Variants in CHD6 observed in about 807,000 individuals in gnomAD.
CHD6 encodes ATP-dependent chromatin remodeler CHD6.
Under a neutral mutation model 276.9 loss-of-function variants are expected in CHD6, and 50 were observed. That is an observed-to-expected ratio of 0.18 (90% confidence interval 0.14 to 0.23). The LOEUF is 0.23. CHD6 is among the 10% of genes least tolerant of loss of function. The pLI is 1.00. For missense variants in CHD6, 2,564 were observed against 3,365.8 expected, an observed-to-expected ratio of 0.76 and a Z score of 5.89; for synonymous variants, 1,173 against 1,229.3, an observed-to-expected ratio of 0.95 and a Z score of 0.96.
rs142172056 is a variant in CHD6, at chr20:41,434,201, G to A, written c.4068+3073C>T. On this transcript the variant is annotated intron_variant, in intron 27 of 36. Coordinates refer to ENST00000373233, the MANE Select transcript of CHD6 (RefSeq NM_032221.5). ...ACTCACTTCAAATACAATAAAGGCA[G>A]GTTAAAAGTAAAATAATAAAAAAGT... Among the ~76,000 whole-genome samples the A allele has an allele frequency of 3.3e-5, 5 of 152,082 alleles. No individual in the cohort carries two copies. The East Asian group carries it at 9.6e-4, about 29-fold the overall frequency.
At chr20:41,440,410 C>A (rs1024835339) in intron 25 of CHD6, among the ~76,000 whole-genome samples, 1 of 152,148 alleles carries the variant, frequency 6.6e-6, no homozygotes, top group African/African-American at 2.4e-5. Flanking sequence ...TGCTGCTTCC[C>A]GTCAGCTGGT....
chr20:41,518,752 A>C (rs1440300327), intron 3 of CHD6, among the ~76,000 whole-genome samples: 1 of 152,168 alleles, frequency 6.6e-6, no homozygotes, highest in Non-Finnish European at 1.5e-5. Context: ...GGAAGAAAAG[A>C]TTCCCTGAAA....
intron 2 of CHD6, among the ~76,000 whole-genome samples, chr20:41,545,893 G>A (rs759937175): frequency 6.6e-5 from 10 of 152,130 alleles, no homozygotes; most frequent in Non-Finnish European, 1.3e-4. Flanking sequence ...AGAAGACGCT[G>A]CCTCTTTTTA....
intron 1 of CHD6, among the ~76,000 whole-genome samples, chr20:41,599,916 A>C (rs1292142100): frequency 6.6e-6 from 1 of 152,136 alleles, no homozygotes; most frequent in Non-Finnish European, 1.5e-5. Context: ...GTGTGGTCCA[A>C]CTCCAGCCAA....
chr20:41,570,745 T>A (rs1387464619), intron 1 of CHD6, among the ~76,000 whole-genome samples: 5 of 152,208 alleles, frequency 3.3e-5, no homozygotes, highest in Non-Finnish European at 5.9e-5. Flanking sequence ...AAAAGTGGAA[T>A]TAGACTAATG....
intron 36 of CHD6, among the ~76,000 whole-genome samples, chr20:41,409,963 C>T (rs1299284544): frequency 6.6e-6 from 1 of 151,958 alleles, no homozygotes; most frequent in Non-Finnish European, 1.5e-5. Context: ...TAATGAGTAA[C>T]CACTAGGTAG....
chr20:41,594,181 G>C (rs909315749), intron 1 of CHD6, among the ~76,000 whole-genome samples: 1 of 152,082 alleles, frequency 6.6e-6, no homozygotes, highest in East Asian at 1.9e-4. Context: ...CAATAGTAAA[G>C]CACTGTTGGA....
Position 41,404,310 on chromosome 20 carries a change from A to C in CHD6, c.*283T>G. On this transcript the variant is annotated 3_prime_UTR_variant, in exon 37 of 37. Coordinates refer to ENST00000373233, the MANE Select transcript of CHD6 (RefSeq NM_032221.5). ...TGGGAAACTTGGAAGAGAAGGGGGT[A>C]GGGCGTGTCACCAAGTACTGTATTA... 8.9e-7 allele frequency: 1 copy of C among 1,128,682 alleles called. No individual in the cohort carries two copies. The allele number at this position is 1,128,682 out of a possible 1,614,324, so 69.9% of individuals were successfully genotyped here.
chr20:41,441,229 T>G (rs1349439890), intron 25 of CHD6, among the ~76,000 whole-genome samples: 2 of 152,160 alleles, frequency 1.3e-5, no homozygotes, highest in Non-Finnish European at 2.9e-5. Flanking sequence ...CTGTTTTTGC[T>G]CATCATTATA....
At chr20:41,607,961 G>C (rs988883779) in intron 1 of CHD6, among the ~76,000 whole-genome samples, 4 of 152,148 alleles carry the variant, frequency 2.6e-5, no homozygotes, top group African/African-American at 9.7e-5. Context: ...AGGTGTGAGA[G>C]AGAATGTAAC....
chr20:41,432,098 T>C (rs2047559728), intron 27 of CHD6, among the ~76,000 whole-genome samples: 1 of 142,842 alleles, frequency 7.0e-6, no homozygotes, highest in South Asian at 2.2e-4. Context: ...AGGTGGAGAT[T>C]GCAGGGAGCC....
intron 17 of CHD6, among the ~76,000 whole-genome samples, chr20:41,458,778 C>A (rs1221921907): frequency 6.6e-6 from 1 of 151,952 alleles, no homozygotes; most frequent in African/African-American, 2.4e-5. Flanking sequence ...TCTCTTTTAG[C>A]GGGAATGTTT....
chr20:41,458,817 T>C (rs768552282), intron 17 of CHD6, among the ~76,000 whole-genome samples: 22 of 151,872 alleles, frequency 1.4e-4, no homozygotes, highest in Non-Finnish European at 3.1e-4. Context: ...AGCAGAGGGG[T>C]GATTACTGAC....
At chr20:41,439,216 C>T (rs950138272) in intron 26 of CHD6, among the ~76,000 whole-genome samples, 2 of 152,040 alleles carry the variant, frequency 1.3e-5, no homozygotes, top group African/African-American at 4.8e-5. Flanking sequence ...ATCAGCTGGG[C>T]ATGGTGGCAC....
At chr20:41,578,165 C>T (rs558050055) in intron 1 of CHD6, among the ~76,000 whole-genome samples, 3 of 152,148 alleles carry the variant, frequency 2.0e-5, no homozygotes, top group African/African-American at 7.2e-5. Context: ...AAGCCCCCCA[C>T]GCCCCCAATG....
intron 1 of CHD6, among the ~76,000 whole-genome samples, chr20:41,556,244 A>G (rs1226683140): frequency 6.6e-6 from 1 of 150,744 alleles, no homozygotes; most frequent in African/African-American, 2.5e-5. Context: ...AGACCGTGGA[A>G]AGAGGGAGAG....
intron 1 of CHD6, among the ~76,000 whole-genome samples, chr20:41,607,102 C>A (rs1365448266): frequency 6.6e-6 from 1 of 152,200 alleles, no homozygotes; most frequent in Non-Finnish European, 1.5e-5. Context: ...CATGGCTCTC[C>A]ACCATACTCC....
At chr20:41,474,037 C>A (rs564305280) in intron 16 of CHD6, among the ~76,000 whole-genome samples, 2 of 152,282 alleles carry the variant, frequency 1.3e-5, no homozygotes, top group East Asian at 3.9e-4. Context: ...TCTAGCCTAC[C>A]AAGTTCCTCA....
intron 1 of CHD6, among the ~76,000 whole-genome samples, chr20:41,597,371 C>A (rs1159831489): frequency 6.6e-6 from 1 of 152,192 alleles, no homozygotes; most frequent in Non-Finnish European, 1.5e-5. Flanking sequence ...ACATTTGAGA[C>A]AAAGGATCAG....
Sources: gnomAD v4.1 joint callset for allele counts (sites outside exome capture counted in the v4.1 genomes callset) on GRCh38, gnomAD v4.1.1 for gene constraint, MANE v1.5 for transcripts, NCBI Gene and HGNC (gene_info 2026-07-23, HGNC 2026-07-21) for gene names.